Variants in NLRP14 observed in about 807,000 individuals in gnomAD.
NLRP14 encodes the protein NLR family pyrin domain containing 14.
NLRP14 carries 105 observed loss-of-function variants against 94.7 expected under a neutral mutation model. The ratio of observed to expected loss-of-function variants is 1.11; its 90% CI spans 0.95 to 1.30. NLRP14 has a LOEUF of 1.30. Ranked by LOEUF, NLRP14 falls within the 50% of genes most tolerant of loss-of-function variation. The pLI, the probability that NLRP14 is intolerant of heterozygous loss-of-function variation, is 0.00. For missense variants in NLRP14, 1,362 were observed against 1,254.1 expected (o/e 1.09, Z -1.30); for synonymous variants, 508 against 459.9 (o/e 1.10, Z -1.34).
At chr11:7,086,402 C>A in the NLRP14 span, among the ~76,000 whole-genome samples, 1 of 152,234 alleles carries the variant, frequency 6.6e-6, no homozygotes, top group Admixed American at 6.5e-5. Context: ...AAGCCCTAAT[C>A]TACCCTCCAC....
chr11:7,076,296 C>T (rs1852873107), downstream of NLRP14, among the ~76,000 whole-genome samples: 1 of 152,138 alleles, frequency 6.6e-6, no homozygotes, highest in Non-Finnish European at 1.5e-5. Context: ...AGAGTCAAGT[C>T]AGATTGTCAA....
intron 10 of NLRP14, among the ~76,000 whole-genome samples, chr11:7,065,920 C>T (rs956173336): frequency 6.6e-6 from 1 of 152,082 alleles, no homozygotes; most frequent in Non-Finnish European, 1.5e-5. Context: ...CATGTGTTCT[C>T]ATTGTTCAAC....
Position 7,043,785 on chromosome 11 carries a change from T to A in NLRP14, c.1759T>A (p.Tyr587Asn). 1 of 1,614,144 alleles carries A rather than the reference T, an allele frequency of 6.2e-7. No homozygotes were observed. The highest frequency in any genetic ancestry group is 1.1e-5 in the South Asian group (1 of 91,070). Residue 587 changes from tyrosine (Y) to asparagine (N), a missense_variant, in exon 4 of 12, where the codon TAT becomes AAT. Tyr to Asn is a moderately radical substitution (Grantham distance 143, BLOSUM62 -2). Transcript: ENST00000299481. Reference sequence around the variant, plus strand: ...ATTTCTGGAGTTGTTTCACTGTCTGTATGAGACTCAAGATAAAGCGTTTAT... The same window carrying A: ...ATTTCTGGAGTTGTTTCACTGTCTGAATGAGACTCAAGATAAAGCGTTTAT... ...LGFLELFHCL[Y>N]ETQDKAFISQ...
chr11:7,076,978 A>G, the NLRP14 span, among the ~76,000 whole-genome samples: 1 of 152,234 alleles, frequency 6.6e-6, no homozygotes, highest in South Asian at 2.1e-4. Context: ...CGGTGAAGAT[A>G]GGTGATCTTG....
intron 2 of NLRP14, among the ~76,000 whole-genome samples, chr11:7,039,381 A>G (rs1481111665): frequency 6.6e-6 from 1 of 151,640 alleles, no homozygotes; most frequent in African/African-American, 2.4e-5. Context: ...GTATATATAT[A>G]ATATTCATAT....
intron 1 of NLRP14, among the ~76,000 whole-genome samples, chr11:7,026,354 C>G (rs1589855101): frequency 6.6e-6 from 1 of 152,154 alleles, no homozygotes; most frequent in African/African-American, 2.4e-5. Flanking sequence ...AGGATATGAA[C>G]AGACACTCCT....
At chr11:7,044,147 C>G (rs772112315) in intron 4 of NLRP14, among the ~76,000 whole-genome samples, 163 bp downstream of exon 4, 4 of 152,082 alleles carry the variant, frequency 2.6e-5, no homozygotes, top group Non-Finnish European at 2.9e-5. Flanking sequence ...CCTTATTGAC[C>G]AATCATGGCT....
chr11:7,032,320 T>G (rs1195343713), intron 1 of NLRP14, among the ~76,000 whole-genome samples: 1 of 152,216 alleles, frequency 6.6e-6, no homozygotes, highest in East Asian at 1.9e-4. Context: ...GTCATTTTCA[T>G]GACTAAAAAT....
At chr11:7,063,021 G>A (rs940910388) in intron 10 of NLRP14, among the ~76,000 whole-genome samples, 4 of 152,048 alleles carry the variant, frequency 2.6e-5, no homozygotes, top group Non-Finnish European at 5.9e-5. Context: ...CAAGAATTGT[G>A]CTCTATGTGT....
At chr11:7,068,330 C>G (rs954036577) in intron 10 of NLRP14, among the ~76,000 whole-genome samples, 11 of 152,088 alleles carry the variant, frequency 7.2e-5, no homozygotes, top group African/African-American at 2.4e-4. Context: ...CTTTCTTCTT[C>G]TCCAACAAAG....
intron 6 of NLRP14, 89 bp downstream of exon 6, chr11:7,049,927 T>G: frequency 9.0e-7 from 1 of 1,109,046 alleles, no homozygotes; most frequent in South Asian, 1.2e-5. Context: ...GATTTGCTAT[T>G]CATAGGACCG....
chr11:7,027,785 G>A (rs766753130), intron 1 of NLRP14, among the ~76,000 whole-genome samples: 12 of 152,004 alleles, frequency 7.9e-5, no homozygotes, highest in Non-Finnish European at 1.8e-4. Flanking sequence ...AAATTCAATG[G>A]TCAGTTTTCA....
intron 1 of NLRP14, among the ~76,000 whole-genome samples, chr11:7,024,777 A>C (rs1038837): frequency 0.63 from 95,488 of 151,286 alleles, 30,408 homozygotes; most frequent in East Asian, 0.73. Context: ...TGAAAAAAGT[A>C]TGTATTTCTA....
At position 7,042,536 on chromosome 11, in the gene NLRP14, C is replaced by T. The variant is rs1276823527; in HGVS notation, c.510C>T (p.Val170=). ...KLLEHLFDVD[V]KTGAQPQIVV... Reference sequence around the variant, plus strand: ...TGGAACACTTGTTCGATGTGGATGTCAAAACCGGTGCACAGCCACAGATCG... The same window carrying T: ...TGGAACACTTGTTCGATGTGGATGTTAAAACCGGTGCACAGCCACAGATCG... Residue 170 remains valine (V), a synonymous_variant, in exon 4 of 12, where the codon GTC becomes GTT. Transcript: ENST00000299481. 6.2e-7 allele frequency: 1 copy of T among 1,614,164 alleles called. No homozygotes were observed. The highest frequency in any genetic ancestry group is 1.7e-5 in the Admixed American group (1 of 60,032).
intron 1 of NLRP14, among the ~76,000 whole-genome samples, chr11:7,032,002 A>G (rs1039242850): frequency 5.9e-5 from 9 of 152,196 alleles, no homozygotes; most frequent in Non-Finnish European, 8.8e-5. Context: ...TGCTCTCTCT[A>G]TGCAAGTTAG....
At chr11:7,089,005 G>A in the NLRP14 span, 2 of 1,254,800 alleles carry the variant, frequency 1.6e-6, no homozygotes, top group Non-Finnish European at 2.3e-6. Context: ...CGTGGACTCG[G>A]CGACTAGGCG....
chr11:7,048,150 T>C (rs773882553), intron 5 of NLRP14, among the ~76,000 whole-genome samples: 4 of 152,256 alleles, frequency 2.6e-5, no homozygotes, highest in Non-Finnish European at 5.9e-5. Context: ...TGCTGATTAG[T>C]ATTCCATTGT....
the NLRP14 span, among the ~76,000 whole-genome samples, chr11:7,080,503 C>T: frequency 4.5e-4 from 69 of 152,260 alleles, 1 homozygote; most frequent in African/African-American, 1.6e-3. Flanking sequence ...TGTGTCTTTC[C>T]ACAATGTCAG....
chr11:7,069,323 A>G (rs1256884754), intron 10 of NLRP14, among the ~76,000 whole-genome samples: 1 of 152,226 alleles, frequency 6.6e-6, no homozygotes, highest in Admixed American at 6.5e-5. Context: ...CAGCATCTAT[A>G]TAGGTACTCA....
Sources: allele counts gnomAD v4.1 joint callset (sites outside exome capture counted in the v4.1 genomes callset), GRCh38; gene constraint gnomAD v4.1.1; transcripts MANE v1.5; gene names NCBI Gene and HGNC (gene_info 2026-07-23, HGNC 2026-07-21).